PRKCH: variants seen among roughly 807,000 people sequenced by gnomAD.
PRKCH encodes protein kinase C eta type.
In PRKCH, 28 loss-of-function variants were observed where a neutral mutation model predicts 82.5. That is an observed-to-expected ratio of 0.34 (90% CI 0.25 to 0.47). The LOEUF is 0.47. Among genes scored for constraint, PRKCH ranks in the 20% least tolerant of loss-of-function variants. PRKCH has a pLI of 1.00. For synonymous variants in PRKCH, 322 were observed against 327.4 expected (o/e 0.98, Z 0.18); for missense variants, 705 against 881.8 (o/e 0.80, Z 2.54).
chr14:61,194,742 A>G (rs2044429634), intron 1 of PRKCH, among the ~76,000 whole-genome samples: 1 of 152,048 alleles, frequency 6.6e-6, no homozygotes, highest in Non-Finnish European at 1.5e-5. Context: ...TTATTTATTT[A>G]TTTATTTAGA....
At chr14:61,477,720 C>G (rs994352235) in intron 9 of PRKCH, among the ~76,000 whole-genome samples, 3 of 152,096 alleles carry the variant, frequency 2.0e-5, no homozygotes, top group African/African-American at 7.2e-5. Context: ...GTTTTGTAAC[C>G]CCTTGCTTAG....
chr14:61,315,828 G>C (rs1429857327), intron 1 of PRKCH, among the ~76,000 whole-genome samples: 4 of 149,726 alleles, frequency 2.7e-5, no homozygotes, highest in African/African-American at 9.9e-5. Context: ...GCTCACTGCA[G>C]CTCTTGCCTC....
intron 1 of PRKCH, among the ~76,000 whole-genome samples, chr14:61,222,154 G>T (rs928561482): frequency 2.0e-5 from 3 of 152,220 alleles, no homozygotes; most frequent in Admixed American, 6.5e-5. Flanking sequence ...TTGTCAGACT[G>T]GTTCTGAGCC....
At chr14:61,449,362 C>A in intron 5 of PRKCH, 110 bp downstream of exon 5, 2 of 908,942 alleles carry the variant, frequency 2.2e-6, no homozygotes, top group African/African-American at 1.7e-5. Context: ...TCCTTCTCCC[C>A]GTCCCCAAAC....
rs2230502 is a variant in PRKCH, at chr14:61,485,558, T to A, written c.1335T>A (p.Ile445=). The stretch of plus-strand genomic sequence containing the variant: ...ATGGGGGTGACTTGATGTTCCACAT[T>A]CAGAAGTCTCGTCGTTTTGATGAAG... ...FVNGGDLMFH[I]QKSRRFDEAR... is the part of the protein sequence containing the mutation. The change falls in exon 10 of 14, where the codon ATT becomes ATA. Residue 445 remains isoleucine (I), a synonymous_variant. Coordinates refer to ENST00000332981, the MANE Select transcript of PRKCH (RefSeq NM_006255.5). 5,838 of 1,614,178 alleles carry A rather than the reference T, an allele frequency of 3.6e-3. 192 individuals carry two copies. In the African/African-American group the frequency reaches 0.07, roughly 19 times the overall value.
intron 9 of PRKCH, among the ~76,000 whole-genome samples, chr14:61,459,850 A>G (rs1344687826): frequency 6.6e-6 from 1 of 152,116 alleles, no homozygotes. Flanking sequence ...TTAAAATTTA[A>G]TTAATCTATT....
intron 1 of PRKCH, among the ~76,000 whole-genome samples, chr14:61,387,682 A>C (rs77389839): frequency 0.018 from 2,812 of 152,258 alleles, 91 homozygotes; most frequent in African/African-American, 0.064. Flanking sequence ...CCAAAGCCAC[A>C]TTTTTCAAAC....
At chr14:61,201,882 A>G (rs28558346) in intron 1 of PRKCH, among the ~76,000 whole-genome samples, 6,079 of 152,252 alleles carry the variant, frequency 0.04, 324 homozygotes, top group East Asian at 0.16. Context: ...AACTATAAGC[A>G]AGTGAAAACC....
intron 1 of PRKCH, among the ~76,000 whole-genome samples, chr14:61,243,954 A>G (rs2044860782): frequency 6.6e-6 from 1 of 152,042 alleles, no homozygotes; most frequent in African/African-American, 2.4e-5. Context: ...TAATTAAAAA[A>G]AAAAAAAAAT....
At chr14:61,223,136 A>G (rs1280197849) in intron 1 of PRKCH, among the ~76,000 whole-genome samples, 1 of 152,228 alleles carries the variant, frequency 6.6e-6, no homozygotes. Context: ...GGCTTTTAGA[A>G]GTGGAAGAGA....
chr14:61,315,698 G>A (rs1409799077), intron 1 of PRKCH, among the ~76,000 whole-genome samples: 1 of 149,748 alleles, frequency 6.7e-6, no homozygotes, highest in African/African-American at 2.5e-5. Context: ...CATATTTTTT[G>A]TACTTCTTAG....
At chr14:61,246,301 G>T (rs1261417238) in intron 1 of PRKCH, among the ~76,000 whole-genome samples, 1 of 151,026 alleles carries the variant, frequency 6.6e-6, no homozygotes, top group Non-Finnish European at 1.5e-5. Flanking sequence ...CCAGCTACTT[G>T]GGAGGTTGAG....
intron 7 of PRKCH, among the ~76,000 whole-genome samples, chr14:61,454,829 A>G (rs1234864172): frequency 6.6e-6 from 1 of 152,178 alleles, no homozygotes; most frequent in African/African-American, 2.4e-5. Flanking sequence ...AGAGATGGGA[A>G]ATAGCCATGT....
At chr14:61,272,344 C>CT (rs1162331604) in intron 1 of PRKCH, among the ~76,000 whole-genome samples, 281 of 23,608 alleles carry the variant, frequency 0.012, 11 homozygotes, top group East Asian at 0.03. Flanking sequence ...TTTTTTCTTT[C>CT]TTTTTTTTTT....
At chr14:61,383,953 C>T (rs1300852117) in intron 1 of PRKCH, among the ~76,000 whole-genome samples, 1 of 152,034 alleles carries the variant, frequency 6.6e-6, no homozygotes, top group Non-Finnish European at 1.5e-5. Context: ...CCAGGTGGAG[C>T]AGGGTGTTTT....
chr14:61,264,308 G>T (rs2045076751), intron 1 of PRKCH, among the ~76,000 whole-genome samples: 1 of 152,116 alleles, frequency 6.6e-6, no homozygotes, highest in Non-Finnish European at 1.5e-5. Flanking sequence ...TCAAGCTTAG[G>T]GTATCTTGTT....
chr14:61,445,152 T>G (rs944210564), intron 3 of PRKCH, among the ~76,000 whole-genome samples: 4 of 152,214 alleles, frequency 2.6e-5, no homozygotes, highest in African/African-American at 9.7e-5. Flanking sequence ...ATAGAATATA[T>G]TTGGGAGAGG....
At chr14:61,423,679 A>G (rs1882972442) in intron 2 of PRKCH, among the ~76,000 whole-genome samples, 1 of 152,092 alleles carries the variant, frequency 6.6e-6, no homozygotes, top group South Asian at 2.1e-4. Context: ...TAGGGGAGTG[A>G]TGGTTGACAC....
chr14:61,238,639 C>T (rs1173794863), intron 1 of PRKCH, among the ~76,000 whole-genome samples: 1 of 152,156 alleles, frequency 6.6e-6, no homozygotes, highest in African/African-American at 2.4e-5. Context: ...TGACTCTCCT[C>T]TTTTTCCGTT....
Sources: gnomAD v4.1 joint callset for allele counts (sites outside exome capture counted in the v4.1 genomes callset) on GRCh38, gnomAD v4.1.1 for gene constraint, MANE v1.5 for transcripts, NCBI Gene and HGNC (gene_info 2026-07-23, HGNC 2026-07-21) for gene names.